Variants in TBC1D4 observed in about 807,000 individuals in gnomAD.
The protein encoded by TBC1D4 is TBC1 domain family member 4, also known as TBC (Tre-2, BUB2, CDC16) domain-containing protein.
TBC1D4 carries 121 observed loss-of-function variants against 142.5 expected under a neutral mutation model. The ratio of observed to expected loss-of-function variants is 0.85; its 90% CI spans 0.73 to 0.99. The LOEUF (loss-of-function observed/expected upper bound fraction) is 0.99. Ranked by LOEUF, TBC1D4 falls within the 50% of genes least tolerant of loss-of-function variation. TBC1D4 has a pLI of 0.00. For missense variants in TBC1D4, 1,475 were observed against 1,606.6 expected, an observed-to-expected ratio of 0.92 and a Z score of 1.40; for synonymous variants, 630 against 628.2, an observed-to-expected ratio of 1.00 and a Z score of -0.04.
chr13:75,301,011 G>A (rs1238200537), intron 16 of TBC1D4, among the ~76,000 whole-genome samples: 2 of 152,122 alleles, frequency 1.3e-5, no homozygotes, highest in Admixed American at 1.3e-4. Context: ...TAACTGAGCT[G>A]GGTCCTTTCC....
At chr13:75,325,101 T>C (rs1162127257) in intron 10 of TBC1D4, among the ~76,000 whole-genome samples, 3 of 152,172 alleles carry the variant, frequency 2.0e-5, no homozygotes, top group Non-Finnish European at 4.4e-5. Flanking sequence ...ATGATTGATG[T>C]CTTTAATTAT....
Position 75,396,944 on chromosome 13 carries a change from G to A in TBC1D4, c.499-34337C>T, listed in dbSNP as rs1236406677. On this transcript the variant is annotated intron_variant, in intron 1 of 20. Transcript: ENST00000377636. ...AAAGATATGCTGAAGCAAAACAAGA[G>A]AGTAAAATAAGAAACAGGAAGCCAT... 2.6e-5 allele frequency among the ~76,000 whole-genome samples: 4 copies of A among 152,088 alleles called. No homozygotes were observed. In the East Asian group the frequency reaches 5.8e-4, roughly 22 times the overall value.
chr13:75,356,893 G>A (rs1406572953), intron 3 of TBC1D4, among the ~76,000 whole-genome samples: 1 of 152,014 alleles, frequency 6.6e-6, no homozygotes, highest in Non-Finnish European at 1.5e-5. Context: ...TTTTCATTCA[G>A]TCTGAATGTA....
At chr13:75,343,880 A>C (rs1224749775) in intron 5 of TBC1D4, among the ~76,000 whole-genome samples, 2 of 151,744 alleles carry the variant, frequency 1.3e-5, no homozygotes, top group Non-Finnish European at 2.9e-5. Flanking sequence ...CACTCTCGTC[A>C]CCTAGGCTGG....
rs1271218694 is a variant in TBC1D4, at chr13:75,481,450, A to C, written c.318T>G (p.Ser106Arg). 1 of 1,613,676 alleles carries C rather than the reference A, an allele frequency of 6.2e-7. No homozygotes were observed. ...APGAGASGGT[S>R]PSATQPNPAV... ...CCGGGTTGGGCTGCGTGGCCGACGG[A>C]CTAGTGCCCCCCGAGGCCCCAGCGC... The change falls in exon 1 of 21, where the codon AGT becomes AGG. Residue 106 changes from serine (S) to arginine (R), a missense_variant. Ser to Arg is a moderately radical substitution (Grantham distance 110). This residue lies in a region of TBC1D4 where 1,227 missense variants were observed against 1,267.7 expected (regional missense o/e 0.97). Coordinates refer to ENST00000377636, the MANE Select transcript of TBC1D4 (RefSeq NM_014832.5).
At chr13:75,413,105 A>C (rs968373482) in intron 1 of TBC1D4, among the ~76,000 whole-genome samples, 1 of 152,214 alleles carries the variant, frequency 6.6e-6, no homozygotes, top group African/African-American at 2.4e-5. Flanking sequence ...CGGAGCACAT[A>C]AAGGGGAGGA....
rs774600274 is a variant in TBC1D4, at chr13:75,362,623, A to G, written c.499-16T>C. 3 of 1,613,422 alleles carry G rather than the reference A, an allele frequency of 1.9e-6. No homozygotes were observed. On this transcript the variant is annotated splice_polypyrimidine_tract_variant and intron_variant, in intron 1 of 20. Transcript: ENST00000377636. This position sits in a 1 kb window ranked among gnomAD's most constrained non-coding sequence, Gnocchi z 4.2. ...CATCAGGAACCTGGGGGAAAAAATT[A>G]AAACCCTGATTCTAGTTGAAAGTTT...
intron 9 of TBC1D4, among the ~76,000 whole-genome samples, chr13:75,327,491 T>C (rs1265270324): frequency 2.0e-5 from 3 of 152,166 alleles, no homozygotes; most frequent in Non-Finnish European, 4.4e-5. Context: ...AGGCATTGGA[T>C]CAATAGTTGC....
intron 1 of TBC1D4, among the ~76,000 whole-genome samples, chr13:75,395,371 T>C (rs1884734643): frequency 1.3e-5 from 2 of 152,176 alleles, no homozygotes; most frequent in African/African-American, 4.8e-5. Context: ...TTTTTTAAAG[T>C]GAGTGGTAAA....
intron 1 of TBC1D4, among the ~76,000 whole-genome samples, chr13:75,448,948 T>C (rs1887412362): frequency 6.6e-6 from 1 of 152,052 alleles, no homozygotes; most frequent in African/African-American, 2.4e-5. Context: ...GCTCCAGTTA[T>C]TGCCTCCTAA....
rs59206459 is a variant in TBC1D4, at chr13:75,391,677, T to C, written c.499-29070A>G. ...CAGGGCTCTATGATTGGCCCTTTCC[T>C]CTTTTCTATTTACACTTGCTCCACT... is the stretch of plus-strand genomic sequence containing the variant. On this transcript the variant is annotated intron_variant, in intron 1 of 20. Coordinates refer to ENST00000377636, the MANE Select transcript of TBC1D4 (RefSeq NM_014832.5). Among the ~76,000 whole-genome samples, 235 of 152,330 alleles carry C rather than the reference T, an allele frequency of 1.5e-3. 1 individual carries two copies. The highest frequency in any genetic ancestry group is 5.3e-3 in the African/African-American group (222 of 41,566).
chr13:75,364,824 C>A (rs1317151446), intron 1 of TBC1D4, among the ~76,000 whole-genome samples: 1 of 152,134 alleles, frequency 6.6e-6, no homozygotes, highest in African/African-American at 2.4e-5. Context: ...CCAAGTATGC[C>A]TCCAAAAGTG....
At chr13:75,333,663 G>T (rs1471474608) in intron 8 of TBC1D4, among the ~76,000 whole-genome samples, 1 of 152,146 alleles carries the variant, frequency 6.6e-6, no homozygotes, top group Non-Finnish European at 1.5e-5. Context: ...TTCAAAACCA[G>T]GATACTGACA....
chr13:75,360,620 A>G lies in TBC1D4; in HGVS notation c.1081-762T>C, dbSNP rs139787371. On this transcript the variant is annotated intron_variant, in intron 2 of 20. Coordinates refer to ENST00000377636, the MANE Select transcript of TBC1D4 (RefSeq NM_014832.5). Reference sequence around the variant, plus strand: ...ATGCTACTTCTTGCCATCATTTTCAATTGTTGAAATGGGCATACTGAGCTC... The same window carrying G: ...ATGCTACTTCTTGCCATCATTTTCAGTTGTTGAAATGGGCATACTGAGCTC... 3.7e-3 allele frequency among the ~76,000 whole-genome samples: 553 copies of G among 151,202 alleles called. 9 individuals carry two copies. The highest frequency in any genetic ancestry group is 0.013 in the African/African-American group (527 of 41,274).
At position 75,294,915 on chromosome 13, in the gene TBC1D4, G is replaced by C; in HGVS notation, c.3255C>G (p.Ala1085=). 1 of 1,613,930 alleles carries C rather than the reference G, an allele frequency of 6.2e-7. No individual in the cohort carries two copies. The highest frequency in any genetic ancestry group is 1.1e-5 in the South Asian group (1 of 91,070). The stretch of plus-strand genomic sequence containing the variant: ...AGGCAAACAATGTGAGGAACCAGGG[G>C]GCAGCATAAAGACTGGGGCTGATTT... ...ENEISPSLYA[A]PWFLTLFASQ... The change falls in exon 18 of 21, where the codon GCC becomes GCG. Residue 1085 remains alanine, a synonymous_variant. Coordinates refer to ENST00000377636, the MANE Select transcript of TBC1D4 (RefSeq NM_014832.5).
At chr13:75,376,886 T>C (rs1263224279) in intron 1 of TBC1D4, among the ~76,000 whole-genome samples, 1 of 152,184 alleles carries the variant, frequency 6.6e-6, no homozygotes, top group Admixed American at 6.5e-5. Context: ...CAAATATAGA[T>C]CAATGCATTC....
At position 75,356,217 on chromosome 13, in the gene TBC1D4, C is replaced by T; in HGVS notation, c.1205G>A (p.Cys402Tyr). The T allele has an allele frequency of 6.2e-7, 1 of 1,613,678 alleles. No individual in the cohort carries two copies. ...AAGTCCAGGCTCTGGAGACTCCCGG[C>T]AGATAAAGCCAAAGTGATCCACATG... Reference protein sequence around the residue: ...IKHVDHFGFICRESPEPGLSQ... With the variant: ...IKHVDHFGFIYRESPEPGLSQ... The change falls in exon 4 of 21, where the codon TGC (cysteine) becomes TAC (tyrosine). Residue 402 changes from cysteine to tyrosine, a missense_variant. Cys to Tyr is a radical substitution (Grantham distance 194). Around this residue, in one of 2 missense-constraint regions of TBC1D4, gnomAD observed 1,227 missense variants for 1,267.7 expected, o/e 0.97. Transcript: ENST00000377636.
intron 7 of TBC1D4, among the ~76,000 whole-genome samples, chr13:75,339,431 C>T (rs556532148): frequency 1.3e-5 from 2 of 152,204 alleles, no homozygotes; most frequent in South Asian, 4.1e-4. Flanking sequence ...TCAGGCCTGC[C>T]AGTAACTTAA....
intron 8 of TBC1D4, among the ~76,000 whole-genome samples, 190 bp from the exon 9 acceptor site, chr13:75,328,016 T>C (rs1879423885): frequency 6.6e-6 from 1 of 152,216 alleles, no homozygotes; most frequent in Non-Finnish European, 1.5e-5. Context: ...CTATTTCCAT[T>C]ATTTTTAAAT....
Sources: allele counts gnomAD v4.1 joint callset (sites outside exome capture counted in the v4.1 genomes callset), GRCh38; gene constraint gnomAD v4.1.1; regional missense constraint gnomAD v4.1.1; non-coding constraint Gnocchi (gnomAD v3.1); transcripts MANE v1.5; gene names NCBI Gene and HGNC (gene_info 2026-07-23, HGNC 2026-07-21).